The following SYT16 variants were observed in gnomAD, a reference collection of about 807,000 sequenced individuals.
The protein encoded by SYT16 is synaptotagmin 16.
In SYT16, 42 loss-of-function variants were observed where a neutral mutation model predicts 61.4. That is an observed-to-expected ratio of 0.68 (90% CI 0.53 to 0.89). The LOEUF (loss-of-function observed/expected upper bound fraction) is 0.89, where lower values mean the gene tolerates loss of function less well. Ranked by LOEUF, SYT16 falls within the 40% of genes least tolerant of loss-of-function variation. The probability of loss-of-function intolerance (pLI) is 0.00; values close to 1 mark genes in which losing one functional copy is unlikely to be tolerated. For missense variants in SYT16, 804 were observed against 807.3 expected (o/e 1.00, Z 0.05); for synonymous variants, 314 against 302.3 (o/e 1.04, Z -0.40).
chr14:61,896,020 T>C (rs889167109), intron 1 of SYT16, among the ~76,000 whole-genome samples: 4 of 152,108 alleles, frequency 2.6e-5, no homozygotes, highest in African/African-American at 9.7e-5. Flanking sequence ...CTGTAGTTTG[T>C]TCTTTGGTCT....
At chr14:62,043,589 G>A (rs12435638) in intron 3 of SYT16, among the ~76,000 whole-genome samples, 19,238 of 151,468 alleles carry the variant, frequency 0.13, 1,587 homozygotes, top group African/African-American at 0.24. Flanking sequence ...TTGTGTTTTT[G>A]GTAGAGACAG....
chr14:62,018,675 C>G (rs1203439338), intron 3 of SYT16, among the ~76,000 whole-genome samples: 1 of 152,144 alleles, frequency 6.6e-6, no homozygotes, highest in African/African-American at 2.4e-5. Flanking sequence ...CTGGAACACC[C>G]AAACTCCACA....
intron 1 of SYT16, among the ~76,000 whole-genome samples, chr14:61,823,845 T>C (rs891299598): frequency 1.3e-5 from 2 of 152,256 alleles, no homozygotes; most frequent in Non-Finnish European, 2.9e-5. Flanking sequence ...AATAAGCTGC[T>C]GATTGAATTC....
At chr14:61,879,805 T>C (rs2047632637) in intron 1 of SYT16, among the ~76,000 whole-genome samples, 1 of 152,228 alleles carries the variant, frequency 6.6e-6, no homozygotes, top group African/African-American at 2.4e-5. Context: ...GATCTACAAA[T>C]TCCTGACATC....
At chr14:61,936,082 C>T (rs185846592) in intron 1 of SYT16, among the ~76,000 whole-genome samples, 303 of 152,126 alleles carry the variant, frequency 2.0e-3, no homozygotes, top group African/African-American at 7.0e-3. Flanking sequence ...GATAAGTTTA[C>T]ATATTATTAT....
chr14:61,951,303 C>A (rs771602319), intron 1 of SYT16, among the ~76,000 whole-genome samples: 3 of 151,846 alleles, frequency 2.0e-5, no homozygotes, highest in Non-Finnish European at 4.4e-5. Context: ...CTTAAGCATC[C>A]AGTTCTACAC....
intron 1 of SYT16, among the ~76,000 whole-genome samples, chr14:61,901,588 C>G (rs1267612208): frequency 6.6e-6 from 1 of 152,024 alleles, no homozygotes; most frequent in African/African-American, 2.4e-5. Context: ...CTTAATAATT[C>G]TGGGTTCCCC....
At chr14:62,086,921 C>G (rs1343366653) in intron 7 of SYT16, among the ~76,000 whole-genome samples, 3 of 152,156 alleles carry the variant, frequency 2.0e-5, no homozygotes, top group African/African-American at 7.2e-5. Context: ...ATAGTGAAGA[C>G]AAAAGTTTTT....
At chr14:61,859,766 T>G (rs1256901113) in intron 1 of SYT16, among the ~76,000 whole-genome samples, 1 of 152,010 alleles carries the variant, frequency 6.6e-6, no homozygotes, top group Non-Finnish European at 1.5e-5. Context: ...CTGGGAAGTG[T>G]GGGGAGGACA....
At position 62,110,372 on chromosome 14, in the gene SYT16, T is replaced by C. The variant is rs2057586559; in HGVS notation, c.*9665T>C. On this transcript the variant is annotated 3_prime_UTR_variant, in exon 8 of 8. Transcript: ENST00000683842. ...TCCTTCATTAATATAATGAACACTT[T>C]GAGACCCCACTATATAACAGGGCCA... 6.6e-6 allele frequency: 1 copy of C among 152,124 alleles called. No individual in the cohort carries two copies. The highest frequency in any genetic ancestry group is 2.1e-4 in the South Asian group (1 of 4,826). The allele number at this position is 152,124 out of a possible 1,614,324, so 9.4% of individuals were successfully genotyped here. A position where few individuals can be genotyped will look rare whatever the true frequency, so the allele number is the denominator to read the frequency against.
At chr14:61,905,080 A>C (rs949901731) in intron 1 of SYT16, among the ~76,000 whole-genome samples, 1 of 152,190 alleles carries the variant, frequency 6.6e-6, no homozygotes, top group African/African-American at 2.4e-5. Context: ...CCTCTCCCTT[A>C]CATTTCTTCC....
At chr14:61,893,123 T>C (rs1312673921) in intron 1 of SYT16, among the ~76,000 whole-genome samples, 7 of 152,216 alleles carry the variant, frequency 4.6e-5, no homozygotes, top group Admixed American at 4.6e-4. Context: ...ACCCAGTTCC[T>C]GTTCTTGATC....
chr14:62,011,868 T>TAC (rs1491125020), intron 3 of SYT16, among the ~76,000 whole-genome samples: 25 of 62,120 alleles, frequency 4.0e-4, no homozygotes, highest in South Asian at 6.6e-4. Context: ...CAGGGAACAC[T>TAC]ATATATACAC....
intron 3 of SYT16, among the ~76,000 whole-genome samples, chr14:62,036,704 C>G (rs1400912066): frequency 6.6e-6 from 1 of 152,104 alleles, no homozygotes; most frequent in East Asian, 1.9e-4. Flanking sequence ...CTTTATAAAA[C>G]TATCAGCTCT....
Position 62,100,376 on chromosome 14 carries a change from C to CTTT in SYT16, c.1625-10_1625-8dup, listed in dbSNP as rs749150838. The CTTT allele has an allele frequency of 1.3e-5, 17 of 1,286,570 alleles. No individual in the cohort carries two copies. The highest frequency in any genetic ancestry group is 7.0e-5 in the Admixed American group (3 of 43,058). The allele number at this position is 1,286,570 out of a possible 1,614,324, so 79.7% of individuals were successfully genotyped here. ...TGTTTCTTATCATCCCCACCCCACC[C>CTTT]TTTTTTTTTTGTCTTAGATACATAT... On this transcript the variant is annotated splice_polypyrimidine_tract_variant and intron_variant, in intron 7 of 7. Transcript: ENST00000683842.
chr14:61,848,632 C>T (rs536305363), intron 1 of SYT16, among the ~76,000 whole-genome samples: 15 of 152,140 alleles, frequency 9.9e-5, no homozygotes, highest in Non-Finnish European at 2.1e-4. Context: ...GGTAGTGAAA[C>T]CAGCTAAACT....
chr14:61,928,038 T>C (rs1162637763), intron 1 of SYT16, among the ~76,000 whole-genome samples: 1 of 152,228 alleles, frequency 6.6e-6, no homozygotes, highest in Non-Finnish European at 1.5e-5. Flanking sequence ...GCTAGTTTAC[T>C]TTGAAAATAG....
chr14:61,860,820 T>C (rs182274523), intron 1 of SYT16, among the ~76,000 whole-genome samples: 1 of 152,016 alleles, frequency 6.6e-6, no homozygotes, highest in Non-Finnish European at 1.5e-5. Flanking sequence ...TTTAGCTATG[T>C]TGATACAGGC....
At chr14:62,046,871 T>G (rs2055014233) in intron 3 of SYT16, among the ~76,000 whole-genome samples, 1 of 152,238 alleles carries the variant, frequency 6.6e-6, no homozygotes. Flanking sequence ...GTAGTATAGT[T>G]TGAAGTCAGG....
Sources: gnomAD v4.1 joint callset for allele counts (sites outside exome capture counted in the v4.1 genomes callset) on GRCh38, gnomAD v4.1.1 for gene constraint, MANE v1.5 for transcripts, NCBI Gene and HGNC (gene_info 2026-07-23, HGNC 2026-07-21) for gene names.